INO80: variants seen among roughly 807,000 people sequenced by gnomAD.
INO80 encodes INO80 complex ATPase subunit.
A neutral mutation model predicts 203.4 loss-of-function variants in INO80; 20 were observed. The ratio of observed to expected loss-of-function variants is 0.10; its 90% CI spans 0.07 to 0.14. INO80 has a LOEUF of 0.14. Ranked by LOEUF, INO80 falls within the 10% of genes least tolerant of loss-of-function variation. The probability of loss-of-function intolerance (pLI) is 1.00; values close to 1 mark genes in which losing one functional copy is unlikely to be tolerated. For synonymous variants in INO80, 726 were observed against 685.2 expected, an observed-to-expected ratio of 1.06 and a Z score of -0.93; for missense variants, 1,419 against 1,914.4, an observed-to-expected ratio of 0.74 and a Z score of 4.83.
intron 1 of INO80, among the ~76,000 whole-genome samples, chr15:41,107,760 A>C (rs988044509): frequency 6.6e-6 from 1 of 152,090 alleles, no homozygotes; most frequent in Admixed American, 6.6e-5. Context: ...AGACCATGCC[A>C]CTGCACTTCA....
Position 41,092,023 on chromosome 15 carries a change from T to G in INO80, c.537+4A>C. The G allele has an allele frequency of 6.3e-7, 1 of 1,596,486 alleles. No individual in the cohort carries two copies. The highest frequency in any genetic ancestry group is 1.3e-5 in the African/African-American group (1 of 74,688). On this transcript the variant is annotated splice_donor_region_variant and intron_variant, in intron 5 of 35. Transcript: ENST00000648947. ...GTTTGAAGTGTTTCTCCTGAAACTCTTACCTCCTTGTCTTTACTATACTTA... is the reference window on the plus strand; with the variant it reads ...GTTTGAAGTGTTTCTCCTGAAACTCGTACCTCCTTGTCTTTACTATACTTA...
At chr15:41,088,404 C>A (rs1357845789) in intron 5 of INO80, among the ~76,000 whole-genome samples, 1 of 151,390 alleles carries the variant, frequency 6.6e-6, no homozygotes, top group Non-Finnish European at 1.5e-5. Flanking sequence ...TTCAACTGGC[C>A]CTTCATGCTT....
rs190785906 is a variant in INO80 at position 41,009,417 on chromosome 15, G to A, written c.3403-3730C>T. On this transcript the variant is annotated intron_variant, in intron 27 of 35. Coordinates refer to ENST00000648947, the MANE Select transcript of INO80 (RefSeq NM_017553.3). The stretch of plus-strand genomic sequence containing the variant: ...CCCACAACAGTCCCCAGAGTGTTAT[G>A]TTCCCCTTCCTGTGTCCATGTGTTC... Among the ~76,000 whole-genome samples the A allele has an allele frequency of 7.8e-3, 962 of 122,934 alleles. 16 individuals are homozygous for A. The highest frequency in any genetic ancestry group is 0.03 in the African/African-American group (924 of 31,264). 80.6% of individuals were successfully genotyped at this position (122,934 alleles called of 152,430 possible).
intron 6 of INO80, among the ~76,000 whole-genome samples, chr15:41,086,863 G>T (rs2045571872): frequency 6.6e-6 from 1 of 152,084 alleles, no homozygotes; most frequent in African/African-American, 2.4e-5. Flanking sequence ...CAGCAACAAT[G>T]ATAACTTATT....
intron 17 of INO80, among the ~76,000 whole-genome samples, chr15:41,056,342 T>C (rs1394660031): frequency 6.6e-6 from 1 of 152,218 alleles, no homozygotes; most frequent in Non-Finnish European, 1.5e-5. Context: ...ATTTCAACTC[T>C]AGCAAAAACA....
chr15:41,055,930 A>C (rs1056304247), intron 17 of INO80, among the ~76,000 whole-genome samples: 1 of 143,620 alleles, frequency 7.0e-6, no homozygotes, highest in African/African-American at 2.5e-5. Context: ...GTTTCTATAA[A>C]GTTTTCTTCT....
At chr15:41,093,676 C>A (rs1198543886) in intron 4 of INO80, among the ~76,000 whole-genome samples, 1 of 151,854 alleles carries the variant, frequency 6.6e-6, no homozygotes, top group Non-Finnish European at 1.5e-5. Flanking sequence ...CCAGCCTGGG[C>A]AACATGGTGA....
intron 28 of INO80, among the ~76,000 whole-genome samples, chr15:41,001,905 G>A (rs1184846957): frequency 1.3e-5 from 2 of 152,174 alleles, no homozygotes; most frequent in East Asian, 3.8e-4. Context: ...GGGAAGGAGT[G>A]CTTGTGTCCA....
At chr15:41,071,719 C>A in intron 12 of INO80, 130 bp downstream of exon 12, 1 of 770,894 alleles carries the variant, frequency 1.3e-6, no homozygotes, top group Non-Finnish European at 2.1e-6. Context: ...CCTTGGCCTC[C>A]CAAAGTGCTG....
intron 14 of INO80, among the ~76,000 whole-genome samples, chr15:41,067,845 A>C (rs71472467): frequency 0.01 from 1,555 of 152,330 alleles, 20 homozygotes; most frequent in Middle Eastern, 0.034. Flanking sequence ...CTTCATTATC[A>C]TATTCCTTTA....
At chr15:41,066,222 CCT>C (rs1342428851) in intron 14 of INO80, among the ~76,000 whole-genome samples, 12 of 152,086 alleles carry the variant, frequency 7.9e-5, no homozygotes, top group South Asian at 2.1e-4. Flanking sequence ...AGGTGACCCC[CCT>C]GCCTCAGCCT....
Position 41,116,197 on chromosome 15 carries a change from G to C in INO80, c.-268C>G. 2 of 408,380 alleles carry C rather than the reference G, an allele frequency of 4.9e-6. No homozygotes were observed. The highest frequency in any genetic ancestry group is 8.5e-6 in the Non-Finnish European group (2 of 234,722). 25.3% of individuals were successfully genotyped at this position (408,380 alleles called of 1,614,324 possible). On this transcript the variant is annotated 5_prime_UTR_variant, in exon 1 of 36. Coordinates refer to ENST00000648947, the MANE Select transcript of INO80 (RefSeq NM_017553.3). ...TGAGGCGGCTGCGGGCGCTGGGCCG[G>C]CGGCGGCGGCGGCCACTTTCACTCA...
intron 1 of INO80, among the ~76,000 whole-genome samples, chr15:41,110,257 G>A (rs2045940026): frequency 6.7e-6 from 1 of 149,988 alleles, no homozygotes; most frequent in Non-Finnish European, 1.5e-5. Flanking sequence ...CTATTCTACT[G>A]CCTCAGCCTC....
rs527285077 is a variant in INO80 at position 40,982,820 on chromosome 15, T to C, written c.4453+42A>G. The C allele has an allele frequency of 2.4e-5, 36 of 1,518,952 alleles. No homozygotes were observed. In the South Asian group the frequency reaches 4.0e-4, roughly 17 times the overall value. 94.1% of individuals were successfully genotyped at this position (1,518,952 alleles called of 1,614,324 possible). A position where few individuals can be genotyped will look rare whatever the true frequency, so the allele number is the denominator to read the frequency against. ...TGACTGACAGAATTTCTAGACTGTC[T>C]CTGACCAGAACAAAGTCTGCAGCCA... On this transcript the variant is annotated intron_variant, in intron 35 of 35. Transcript: ENST00000648947.
intron 23 of INO80, among the ~76,000 whole-genome samples, chr15:41,045,487 C>G (rs1239220094): frequency 3.3e-5 from 5 of 150,630 alleles, no homozygotes; most frequent in Non-Finnish European, 7.4e-5. Flanking sequence ...GAGGCTGACG[C>G]ATGAGAATCG....
chr15:41,081,709 T>G (rs1331550869), intron 7 of INO80, among the ~76,000 whole-genome samples: 1 of 152,162 alleles, frequency 6.6e-6, no homozygotes, highest in African/African-American at 2.4e-5. Context: ...GATGTCTATT[T>G]GACATGGAAG....
In INO80 at chr15:41,095,893, G is replaced by A. The variant is rs2045716023; in HGVS notation, c.179C>T (p.Pro60Leu). The change falls in exon 3 of 36, where the codon CCA (proline) becomes CTA (leucine). Residue 60 changes from proline (P) to leucine (L), a missense_variant. Coordinates refer to ENST00000648947, the MANE Select transcript of INO80 (RefSeq NM_017553.3). ...DSEDGLDDSN[P>L]LLPQSGDPLI... ...GGGATCCCCAGACTGGGGCAATAAT[G>A]GATTACTGTCATCCAGTCCATCTTC... 5 of 1,613,736 alleles carry A rather than the reference G, an allele frequency of 3.1e-6. No individual in the cohort carries two copies. Among genetic ancestry groups the A allele is most frequent in the Admixed American group, 1.7e-5 (1 of 59,972 alleles).
At chr15:41,096,963 T>C (rs550834500) in intron 1 of INO80, among the ~76,000 whole-genome samples, 1 of 152,330 alleles carries the variant, frequency 6.6e-6, no homozygotes, top group South Asian at 2.1e-4. Context: ...GAAACACAGG[T>C]ATAGCCTAAG....
chr15:41,089,499 C>T (rs1442706936), intron 5 of INO80, among the ~76,000 whole-genome samples: 1 of 152,092 alleles, frequency 6.6e-6, no homozygotes, highest in African/African-American at 2.4e-5. Context: ...CCCCTGTAAT[C>T]CCAGCACTTT....
Sources: gnomAD v4.1 joint callset for allele counts (sites outside exome capture counted in the v4.1 genomes callset) on GRCh38, gnomAD v4.1.1 for gene constraint, MANE v1.5 for transcripts, NCBI Gene and HGNC (gene_info 2026-07-23, HGNC 2026-07-21) for gene names.